Variants in SGMS2 observed in about 807,000 individuals in gnomAD.
SGMS2 encodes sphingomyelin synthase 2.
A neutral mutation model predicts 43.8 loss-of-function variants in SGMS2; 21 were observed. That is an observed-to-expected ratio of 0.48 (90% CI 0.34 to 0.69). The LOEUF (loss-of-function observed/expected upper bound fraction) is 0.69, where lower values mean the gene tolerates loss of function less well. SGMS2 is among the 30% of genes least tolerant of loss of function. The probability of loss-of-function intolerance (pLI) is 0.01; values close to 1 mark genes in which losing one functional copy is unlikely to be tolerated. For synonymous variants in SGMS2, 167 were observed against 160.6 expected (o/e 1.04, Z -0.30); for missense variants, 384 against 443.2 (o/e 0.87, Z 1.20).
At chr4:107,887,818 G>T (rs1729876889) in intron 2 of SGMS2, among the ~76,000 whole-genome samples, 2 of 152,114 alleles carry the variant, frequency 1.3e-5, no homozygotes, top group South Asian at 4.1e-4. Context: ...AATAAAAACA[G>T]CATGAAGCCA....
chr4:107,880,443 G>T (rs1729249367), intron 2 of SGMS2, among the ~76,000 whole-genome samples: 1 of 151,994 alleles, frequency 6.6e-6, no homozygotes, highest in South Asian at 2.1e-4. Context: ...AATTTTGTGG[G>T]TGCTTCTGAA....
At chr4:107,888,941 T>C (rs1729982117) in intron 2 of SGMS2, among the ~76,000 whole-genome samples, 1 of 152,182 alleles carries the variant, frequency 6.6e-6, no homozygotes, top group East Asian at 1.9e-4. Flanking sequence ...CATTTAAAGT[T>C]TTGGAACCAC....
intron 2 of SGMS2, among the ~76,000 whole-genome samples, chr4:107,860,117 T>G (rs1021361905): frequency 6.6e-6 from 1 of 152,130 alleles, no homozygotes; most frequent in African/African-American, 2.4e-5. Flanking sequence ...CTAGAATTTC[T>G]TTATGCATAA....
chr4:107,827,161 TGA>T (rs1725640139), intron 1 of SGMS2, among the ~76,000 whole-genome samples: 2 of 152,224 alleles, frequency 1.3e-5, no homozygotes, highest in African/African-American at 4.8e-5. Flanking sequence ...GAATAATTAC[TGA>T]GAGTTTTGGA....
At chr4:107,843,439 A>G (rs1380431619) in intron 1 of SGMS2, among the ~76,000 whole-genome samples, 1 of 152,206 alleles carries the variant, frequency 6.6e-6, no homozygotes, top group African/African-American at 2.4e-5. Context: ...CTTAATATGG[A>G]ATTTGGAAGC....
rs1297136160 is a variant in SGMS2 at position 107,825,080 on chromosome 4, C to T, written c.-500C>T. The T allele has an allele frequency of 6.6e-6, 1 of 152,218 alleles. No individual in the cohort carries two copies. The highest frequency in any genetic ancestry group is 1.5e-5 in the Non-Finnish European group (1 of 68,164). The allele number at this position is 152,218 out of a possible 1,614,324, so 9.4% of individuals were successfully genotyped here. A position where few individuals can be genotyped will look rare whatever the true frequency, so the allele number is the denominator to read the frequency against. On this transcript the variant is annotated 5_prime_UTR_variant, in exon 1 of 7. Transcript: ENST00000690982. ...GGAGAGCTGCTTCCCCTAGTCAGGC[C>T]GCGGCGTGGGAGGGCGAGACCCCGA...
Position 107,908,643 on chromosome 4 carries a change from C to T in SGMS2, c.806C>T (p.Ala269Val). Residue 269 changes from alanine to valine, a missense_variant, in exon 6 of 7, where the codon GCA becomes GTA. Physicochemically the swap from Ala to Val is moderately conservative, Grantham distance 64. Transcript: ENST00000690982. The part of the protein sequence containing the change: ...SAAGIICILV[A>V]HEHYTIDVII... ...GCCGGGATCATCTGCATTCTTGTAG[C>T]ACACGAACACTACACTATCGATGTG... The T allele has an allele frequency of 6.2e-7, 1 of 1,613,860 alleles. No individual in the cohort carries two copies. The highest frequency in any genetic ancestry group is 1.1e-5 in the South Asian group (1 of 91,078).
rs1402678240 is a variant in SGMS2, at chr4:107,908,570, C to T, written c.733C>T (p.Pro245Ser). The change falls in exon 6 of 7, where the codon CCT becomes TCT. Residue 245 changes from proline (P) to serine (S), a missense_variant. Physicochemically the swap from Pro to Ser is moderately conservative, Grantham distance 74 (BLOSUM62 -1). Transcript: ENST00000690982. The stretch of plus-strand genomic sequence containing the variant: ...GTAATTTTTCTACTGTCCAGATTCG[C>T]CTCGTCACTTCTGGTGGTATCATTT... ...LTYLFIKEYS[P>S]RHFWWYHLIC... 10 of 1,612,480 alleles carry T rather than the reference C, an allele frequency of 6.2e-6. No homozygotes were observed.
At chr4:107,884,981 G>A (rs1729634384) in intron 2 of SGMS2, among the ~76,000 whole-genome samples, 1 of 151,818 alleles carries the variant, frequency 6.6e-6, no homozygotes, top group Non-Finnish European at 1.5e-5. Flanking sequence ...CCAGTGTCTG[G>A]GAAAGCAAAA....
chr4:107,906,565 T>A (rs1731597107), intron 5 of SGMS2, among the ~76,000 whole-genome samples: 1 of 152,230 alleles, frequency 6.6e-6, no homozygotes, highest in African/African-American at 2.4e-5. Context: ...ATCATCTAGC[T>A]CATTGTTATC....
chr4:107,889,465 C>T (rs1048490167), intron 2 of SGMS2, among the ~76,000 whole-genome samples: 9 of 152,046 alleles, frequency 5.9e-5, no homozygotes, highest in African/African-American at 1.9e-4. Context: ...ACTTAAGTTC[C>T]GTAAACTTGA....
intron 2 of SGMS2, chr4:107,893,003 TAATG>T (rs1019773526): frequency 4.6e-5 from 7 of 152,164 alleles, no homozygotes; most frequent in African/African-American, 1.7e-4. Flanking sequence ...TATTTAATCT[TAATG>T]AAATCCCAAG....
intron 2 of SGMS2, among the ~76,000 whole-genome samples, chr4:107,870,076 T>A (rs1187502930): frequency 6.6e-6 from 1 of 152,260 alleles, no homozygotes; most frequent in African/African-American, 2.4e-5. Flanking sequence ...ATTTTCTCAA[T>A]ACTTTTACGT....
At chr4:107,866,037 A>G (rs1728088595) in intron 2 of SGMS2, among the ~76,000 whole-genome samples, 1 of 152,236 alleles carries the variant, frequency 6.6e-6, no homozygotes, top group Non-Finnish European at 1.5e-5. Context: ...AGGACCAAGG[A>G]GATTGCATTA....
intron 2 of SGMS2, among the ~76,000 whole-genome samples, chr4:107,865,165 GT>G (rs1308672437): frequency 3.9e-5 from 6 of 152,160 alleles, no homozygotes; most frequent in Non-Finnish European, 7.4e-5. Context: ...GGAATTTATA[GT>G]TTTAATGAAC....
chr4:107,860,252 A>G (rs1413194922), intron 2 of SGMS2, among the ~76,000 whole-genome samples: 1 of 152,130 alleles, frequency 6.6e-6, no homozygotes, highest in Admixed American at 6.5e-5. Flanking sequence ...AGCTAGTACT[A>G]AGACACTTTC....
At chr4:107,868,920 T>A (rs1728347025) in intron 2 of SGMS2, among the ~76,000 whole-genome samples, 1 of 152,166 alleles carries the variant, frequency 6.6e-6, no homozygotes, top group Admixed American at 6.5e-5. Context: ...ATTTTGTGCA[T>A]TTTCTTACTA....
intron 2 of SGMS2, among the ~76,000 whole-genome samples, chr4:107,892,362 A>G (rs1348997625): frequency 6.6e-6 from 1 of 152,092 alleles, no homozygotes; most frequent in Admixed American, 6.6e-5. Context: ...TATTGGTTTA[A>G]GCCATAAAGA....
At chr4:107,905,615 A>G (rs981590082) in intron 5 of SGMS2, among the ~76,000 whole-genome samples, 2 of 152,198 alleles carry the variant, frequency 1.3e-5, no homozygotes, top group African/African-American at 4.8e-5. Flanking sequence ...ACTTGGCCAC[A>G]GTGCAGAGCC....
Sources: gnomAD v4.1 joint callset for allele counts (sites outside exome capture counted in the v4.1 genomes callset) on GRCh38, gnomAD v4.1.1 for gene constraint, MANE v1.5 for transcripts, NCBI Gene and HGNC (gene_info 2026-07-23, HGNC 2026-07-21) for gene names.